The following SYTL3 variants were observed in gnomAD, a reference collection of about 807,000 sequenced individuals.
The protein encoded by SYTL3 is synaptotagmin like 3.
SYTL3 carries 88 observed loss-of-function variants against 82.1 expected under a neutral mutation model. That is an observed-to-expected ratio of 1.07 (90% CI 0.90 to 1.28). The LOEUF (loss-of-function observed/expected upper bound fraction) is 1.28. SYTL3 is among the 50% of genes most tolerant of loss of function. The pLI, the probability that SYTL3 is intolerant of heterozygous loss-of-function variation, is 0.00. For missense variants in SYTL3, 831 were observed against 757.6 expected, an observed-to-expected ratio of 1.10 and a Z score of -1.14; for synonymous variants, 311 against 289.4, an observed-to-expected ratio of 1.07 and a Z score of -0.76.
chr6:158,660,304 C>T (rs1276568797), intron 2 of SYTL3, among the ~76,000 whole-genome samples: 2 of 152,142 alleles, frequency 1.3e-5, no homozygotes, highest in African/African-American at 2.4e-5. Context: ...AACAAAAAAA[C>T]CCGGAACAGC....
At chr6:158,738,555 C>T (rs1230727548) in intron 11 of SYTL3, among the ~76,000 whole-genome samples, 1 of 152,204 alleles carries the variant, frequency 6.6e-6, no homozygotes, top group Admixed American at 6.5e-5. Context: ...CTCTACTTAC[C>T]TGGACCCTGA....
At chr6:158,744,780 T>C (rs1029174756) in intron 11 of SYTL3, among the ~76,000 whole-genome samples, 14 of 152,218 alleles carry the variant, frequency 9.2e-5, no homozygotes, top group Non-Finnish European at 1.3e-4. Flanking sequence ...AGTGATAAGG[T>C]AGCTGATTGT....
intron 12 of SYTL3, among the ~76,000 whole-genome samples, chr6:158,746,610 C>T (rs926677501): frequency 1.3e-5 from 2 of 151,446 alleles, no homozygotes; most frequent in African/African-American, 2.4e-5. Flanking sequence ...GGACTACAGG[C>T]GTGCACCACC....
Position 158,663,356 on chromosome 6 carries a change from AAC to A in SYTL3, c.92_93del (p.Thr31ArgfsTer91), listed in dbSNP as rs774555163. The A allele has an allele frequency of 3.1e-5, 50 of 1,613,738 alleles. No homozygotes were observed. The highest frequency in any genetic ancestry group is 4.2e-5 in the Non-Finnish European group (49 of 1,180,000). ...CCTGTACCGAGACCAGGCGGTTCAA[AAC>A]ACAGAGGAGGAGAGGACACGGTAGG... ...QVLYRDQAVQ[N>X]TEEERTRKLK... On this transcript the variant is annotated frameshift_variant, in exon 4 of 18. Transcript: ENST00000611299. LOFTEE classifies it high-confidence loss of function.
intron 1 of SYTL3, among the ~76,000 whole-genome samples, chr6:158,650,883 G>A (rs964392466): frequency 1.3e-5 from 2 of 152,062 alleles, no homozygotes; most frequent in African/African-American, 2.4e-5. Context: ...CCTGGGAGGC[G>A]GAGGTGGCAG....
intron 5 of SYTL3, among the ~76,000 whole-genome samples, chr6:158,671,626 A>G (rs1477916120): frequency 6.6e-6 from 1 of 151,878 alleles, no homozygotes; most frequent in African/African-American, 2.4e-5. Context: ...TTAGCCGGGC[A>G]TGATGGCGCA....
chr6:158,654,585 CT>C (rs994795688), intron 2 of SYTL3, among the ~76,000 whole-genome samples: 1 of 152,184 alleles, frequency 6.6e-6, no homozygotes, highest in Non-Finnish European at 1.5e-5. Flanking sequence ...AGAAGAAACC[CT>C]TTTGAGTCGG....
chr6:158,707,327 A>G, intron 7 of SYTL3, 46 bp downstream of exon 7: 2 of 1,570,272 alleles, frequency 1.3e-6, no homozygotes, highest in Non-Finnish European at 8.7e-7. Flanking sequence ...CCGGGGCAGG[A>G]GCGCAGAGGA....
intron 15 of SYTL3, among the ~76,000 whole-genome samples, chr6:158,761,512 G>C (rs1009678894): frequency 6.6e-6 from 1 of 151,974 alleles, no homozygotes; most frequent in South Asian, 2.1e-4. Flanking sequence ...GTTTCACCAT[G>C]TTAGCCAGGA....
At chr6:158,692,945 C>A (rs915889053) in intron 6 of SYTL3, among the ~76,000 whole-genome samples, 1 of 146,880 alleles carries the variant, frequency 6.8e-6, no homozygotes, top group Non-Finnish European at 1.5e-5. Flanking sequence ...AGCGAGACTC[C>A]GTCTCAAAAA....
intron 6 of SYTL3, among the ~76,000 whole-genome samples, chr6:158,685,869 C>G (rs1491002416): frequency 6.6e-6 from 1 of 152,134 alleles, no homozygotes; most frequent in Non-Finnish European, 1.5e-5. Flanking sequence ...TGGGCTGGAG[C>G]CTTCTTCAGA....
chr6:158,664,951 G>A (rs998883359), intron 4 of SYTL3, among the ~76,000 whole-genome samples: 2 of 152,020 alleles, frequency 1.3e-5, no homozygotes, highest in African/African-American at 2.4e-5. Flanking sequence ...ATTTTATTGG[G>A]CAACTTATAC....
rs1789626526 is a variant in SYTL3 at position 158,663,558 on chromosome 6, C to T, written c.110+180C>T. On this transcript the variant is annotated intron_variant, in intron 4 of 17. Transcript: ENST00000611299. ...AGATGATCCTCCTTATGTAACTAAA[C>T]GTAGAGGACGCTCAGGAGGAGGAGG... The T allele has an allele frequency of 1.2e-5, 12 of 985,148 alleles. No homozygotes were observed. The South Asian group carries it at 4.2e-4, about 35-fold the overall frequency. The allele number at this position is 985,148 out of a possible 1,614,324, so 61.0% of individuals were successfully genotyped here. A position where few individuals can be genotyped will look rare whatever the true frequency, so the allele number is the denominator to read the frequency against.
chr6:158,749,175 A>G (rs1333659295), intron 12 of SYTL3, among the ~76,000 whole-genome samples: 1 of 152,106 alleles, frequency 6.6e-6, no homozygotes, highest in Non-Finnish European at 1.5e-5. Flanking sequence ...CAGTGAGCCA[A>G]GATCATGCCA....
chr6:158,756,710 CAAAA>C (rs375826558), intron 13 of SYTL3, among the ~76,000 whole-genome samples: 1 of 97,008 alleles, frequency 1.0e-5, no homozygotes, highest in Non-Finnish European at 1.9e-5. Context: ...GATCCTGTCT[CAAAA>C]AAAAATTTTT....
chr6:158,697,989 G>A (rs944669119), intron 6 of SYTL3, among the ~76,000 whole-genome samples: 26 of 152,316 alleles, frequency 1.7e-4, no homozygotes, highest in Middle Eastern at 3.4e-3. Flanking sequence ...TTGCTCCCTG[G>A]AAGGCACTGG....
At chr6:158,705,902 G>T (rs1309456464) in intron 6 of SYTL3, among the ~76,000 whole-genome samples, 2 of 152,148 alleles carry the variant, frequency 1.3e-5, no homozygotes, top group Non-Finnish European at 1.5e-5. Context: ...CCCAGGATGG[G>T]CAGGATGAGC....
At chr6:158,733,904 T>C (rs1378386759) in intron 11 of SYTL3, among the ~76,000 whole-genome samples, 2 of 151,272 alleles carry the variant, frequency 1.3e-5, no homozygotes, top group South Asian at 2.1e-4. Context: ...AAGACCATCC[T>C]GGCTAACACG....
At chr6:158,720,131 A>G (rs751594790) in intron 10 of SYTL3, among the ~76,000 whole-genome samples, 1 of 147,860 alleles carries the variant, frequency 6.8e-6, no homozygotes, top group Non-Finnish European at 1.5e-5. Context: ...GCCGGGCACC[A>G]TGGCTCATGC....
Sources: allele counts gnomAD v4.1 joint callset (sites outside exome capture counted in the v4.1 genomes callset), GRCh38; gene constraint gnomAD v4.1.1; transcripts MANE v1.5; gene names NCBI Gene and HGNC (gene_info 2026-07-23, HGNC 2026-07-21).